Variants in SUGCT observed in about 807,000 individuals in gnomAD.
The protein encoded by SUGCT is succinyl-CoA:glutarate CoA-transferase.
A neutral mutation model predicts 55.0 loss-of-function variants in SUGCT; 41 were observed. That is an observed-to-expected ratio of 0.74 (90% CI 0.58 to 0.97). The LOEUF (loss-of-function observed/expected upper bound fraction) is 0.97. Among genes scored for constraint, SUGCT ranks in the 50% least tolerant of loss-of-function variants. The pLI is 0.00. For missense variants in SUGCT, 568 were observed against 547.8 expected (o/e 1.04, Z -0.37); for synonymous variants, 187 against 200.4 (o/e 0.93, Z 0.56).
chr7:40,265,592 A>G (rs1791514197), intron 7 of SUGCT, among the ~76,000 whole-genome samples: 2 of 152,258 alleles, frequency 1.3e-5, no homozygotes, highest in Middle Eastern at 6.8e-3. Context: ...TAAATTGTGT[A>G]TGTAAGTAAT....
chr7:40,189,435 GA>G (rs1260311755), intron 4 of SUGCT, 108 bp from the exon 5 acceptor site: 1 of 206,820 alleles, frequency 4.8e-6, no homozygotes, highest in Non-Finnish European at 9.2e-6. Flanking sequence ...AGATTCAGGG[GA>G]TACATGTGCA....
At chr7:40,581,800 G>A (rs909204808) in intron 12 of SUGCT, among the ~76,000 whole-genome samples, 6 of 152,064 alleles carry the variant, frequency 3.9e-5, no homozygotes, top group Admixed American at 3.3e-4. Context: ...ATTTACAGCC[G>A]GGAAAGAAAA....
intron 12 of SUGCT, among the ~76,000 whole-genome samples, chr7:40,720,414 A>G (rs1415449491): frequency 2.0e-5 from 3 of 152,246 alleles, no homozygotes; most frequent in Non-Finnish European, 4.4e-5. Flanking sequence ...GAGATGCTGT[A>G]TATCAAATGC....
At chr7:40,376,591 C>T (rs1784558457) in intron 9 of SUGCT, among the ~76,000 whole-genome samples, 1 of 152,012 alleles carries the variant, frequency 6.6e-6, no homozygotes, top group African/African-American at 2.4e-5. Context: ...GGGGTTTCAC[C>T]ATGTTGGCCA....
At chr7:40,214,146 T>C (rs1787494357) in intron 6 of SUGCT, among the ~76,000 whole-genome samples, 1 of 152,170 alleles carries the variant, frequency 6.6e-6, no homozygotes, top group Non-Finnish European at 1.5e-5. Flanking sequence ...AAGTTCGCAT[T>C]CAAAGAGAGA....
chr7:40,135,256 A>C (rs1480566287), intron 1 of SUGCT, 136 bp downstream of exon 1: 2 of 1,131,800 alleles, frequency 1.8e-6, no homozygotes, highest in South Asian at 1.9e-5. Context: ...CCTCCCTGCA[A>C]CCCCGTTCCG....
At chr7:40,234,493 TCATATC>T (rs1788899557) in intron 6 of SUGCT, among the ~76,000 whole-genome samples, 1 of 152,242 alleles carries the variant, frequency 6.6e-6, no homozygotes, top group Non-Finnish European at 1.5e-5. Context: ...TTTATTTGCT[TCATATC>T]CCATTTTTGT....
chr7:40,391,378 T>C (rs1472306314), intron 9 of SUGCT, among the ~76,000 whole-genome samples: 1 of 152,120 alleles, frequency 6.6e-6, no homozygotes, highest in Non-Finnish European at 1.5e-5. Flanking sequence ...TTTTACAATC[T>C]ACCCGTCTGA....
intron 13 of SUGCT, among the ~76,000 whole-genome samples, chr7:40,800,029 A>C (rs1369020870): frequency 6.6e-6 from 1 of 152,182 alleles, no homozygotes; most frequent in Non-Finnish European, 1.5e-5. Flanking sequence ...CTGGAAAATG[A>C]CACTGTGCTC....
At chr7:40,651,269 C>T (rs112459903) in intron 12 of SUGCT, among the ~76,000 whole-genome samples, 4,273 of 152,250 alleles carry the variant, frequency 0.028, 174 homozygotes, top group African/African-American at 0.099. Flanking sequence ...TTCTTGGCTT[C>T]TTAATAATCA....
At chr7:40,613,004 A>T (rs1798833975) in intron 12 of SUGCT, among the ~76,000 whole-genome samples, 1 of 152,014 alleles carries the variant, frequency 6.6e-6, no homozygotes, top group Non-Finnish European at 1.5e-5. Flanking sequence ...ATGATGGGGG[A>T]TGCCCATAAT....
intron 12 of SUGCT, among the ~76,000 whole-genome samples, chr7:40,568,058 A>G (rs1796244753): frequency 6.6e-6 from 1 of 152,130 alleles, no homozygotes; most frequent in Non-Finnish European, 1.5e-5. Context: ...AGATATTTCC[A>G]TTTTGCAAAT....
At chr7:40,664,468 G>T (rs934399390) in intron 12 of SUGCT, among the ~76,000 whole-genome samples, 3 of 152,088 alleles carry the variant, frequency 2.0e-5, no homozygotes, top group Non-Finnish European at 2.9e-5. Context: ...GCATAACCCA[G>T]ACCACTTAAG....
intron 8 of SUGCT, 74 bp downstream of exon 8, chr7:40,274,730 T>G: frequency 7.3e-7 from 1 of 1,375,538 alleles, no homozygotes; most frequent in Non-Finnish European, 1.0e-6. Flanking sequence ...GATCAAATTC[T>G]ATGGTCACAT....
intron 12 of SUGCT, among the ~76,000 whole-genome samples, chr7:40,725,199 G>A (rs1388642620): frequency 1.3e-5 from 2 of 152,188 alleles, no homozygotes; most frequent in African/African-American, 4.8e-5. Flanking sequence ...GGAAGCATCA[G>A]CATCACCTGT....
chr7:40,175,553 A>T (rs557361602), intron 1 of SUGCT, among the ~76,000 whole-genome samples: 1 of 152,078 alleles, frequency 6.6e-6, no homozygotes, highest in African/African-American at 2.4e-5. Flanking sequence ...TATTGATTTC[A>T]TTAACACCCT....
chr7:40,641,371 A>G (rs540928712), intron 12 of SUGCT, among the ~76,000 whole-genome samples: 2 of 152,262 alleles, frequency 1.3e-5, no homozygotes, highest in East Asian at 3.9e-4. Flanking sequence ...CAGTGGGTTA[A>G]TGAAGTTTGC....
intron 13 of SUGCT, among the ~76,000 whole-genome samples, chr7:40,819,126 G>T (rs900266693): frequency 6.6e-6 from 1 of 152,012 alleles, no homozygotes; most frequent in African/African-American, 2.4e-5. Flanking sequence ...TGGTGTATAT[G>T]TGCCACATTT....
chr7:40,708,457 A>C (rs1227106745), intron 12 of SUGCT, among the ~76,000 whole-genome samples: 1 of 152,192 alleles, frequency 6.6e-6, no homozygotes, highest in Non-Finnish European at 1.5e-5. Context: ...CACCTAGCCT[A>C]CTGCTCTCTC....
Sources: gnomAD v4.1 joint callset for allele counts (sites outside exome capture counted in the v4.1 genomes callset) on GRCh38, gnomAD v4.1.1 for gene constraint, MANE v1.5 for transcripts, NCBI Gene and HGNC (gene_info 2026-07-23, HGNC 2026-07-21) for gene names.